The following EYS variants were observed in gnomAD, a reference collection of about 807,000 sequenced individuals.
The protein encoded by EYS is EGF-like photoreceptor maintenance factor, also known as protein eyes shut homolog.
EYS carries 250 observed loss-of-function variants against 282.1 expected under a neutral mutation model. That is an observed-to-expected ratio of 0.89 (90% CI 0.80 to 0.98). The LOEUF is 0.98. Ranked by LOEUF, EYS falls within the 50% of genes least tolerant of loss-of-function variation. EYS has a pLI of 0.00. For missense variants in EYS, 4,016 were observed against 3,709.0 expected, an observed-to-expected ratio of 1.08 and a Z score of -2.15; for synonymous variants, 1,355 against 1,282.9, an observed-to-expected ratio of 1.06 and a Z score of -1.20.
intron 13 of EYS, among the ~76,000 whole-genome samples, chr6:65,045,244 A>ATAGTG (rs1773068025): frequency 6.6e-6 from 1 of 151,872 alleles, no homozygotes; most frequent in Non-Finnish European, 1.5e-5. Flanking sequence ...CTGATCTTTG[A>ATAGTG]CAAAATACAA....
chr6:64,101,205 AT>A (rs34888718), intron 31 of EYS, among the ~76,000 whole-genome samples: 85 of 148,644 alleles, frequency 5.7e-4, no homozygotes, highest in Middle Eastern at 3.4e-3. Context: ...ATTTTAATAG[AT>A]TTTTTTTTTT....
Position 65,370,900 on chromosome 6 carries a change from T to C in EYS, c.1299+13486A>G, listed in dbSNP as rs141821678. On this transcript the variant is annotated intron_variant, in intron 8 of 42. Transcript: ENST00000503581. Reference sequence around the variant, plus strand: ...AAAGAAACAAATATATCTTTCTTCATAGAGATTACATTTCAGCCTAATCTA... The same window carrying C: ...AAAGAAACAAATATATCTTTCTTCACAGAGATTACATTTCAGCCTAATCTA... 5.0e-4 allele frequency among the ~76,000 whole-genome samples: 76 copies of C among 152,032 alleles called. 1 individual carries two copies. The East Asian group carries it at 0.013, about 26-fold the overall frequency.
At chr6:65,211,743 A>G (rs1766181598) in intron 12 of EYS, among the ~76,000 whole-genome samples, 1 of 151,966 alleles carries the variant, frequency 6.6e-6, no homozygotes, top group Non-Finnish European at 1.5e-5. Context: ...AGGGGCAGAA[A>G]AAAAAGCCCC....
intron 13 of EYS, among the ~76,000 whole-genome samples, chr6:64,998,098 C>G (rs778293127): frequency 3.9e-5 from 6 of 152,154 alleles, no homozygotes; most frequent in Middle Eastern, 3.2e-3. Context: ...AAGACCTTAA[C>G]TGTTCAGTTG....
At chr6:64,042,510 G>A (rs948357366) in intron 33 of EYS, among the ~76,000 whole-genome samples, 1 of 152,168 alleles carries the variant, frequency 6.6e-6, no homozygotes, top group South Asian at 2.1e-4. Context: ...TTTCTCCACT[G>A]TGTTCGGAAG....
intron 2 of EYS, among the ~76,000 whole-genome samples, chr6:65,519,487 C>T (rs1331225333): frequency 6.7e-6 from 1 of 149,216 alleles, no homozygotes; most frequent in Non-Finnish European, 1.5e-5. Context: ...TACTAGATAA[C>T]TAATAAATAT....
chr6:64,693,677 G>A (rs2349515), intron 22 of EYS, among the ~76,000 whole-genome samples: 103,487 of 151,936 alleles, frequency 0.68, 36,298 homozygotes, highest in Middle Eastern at 0.77. Context: ...TAATGGAAAA[G>A]ACAATAAAAA....
chr6:64,945,376 A>G (rs12196494), intron 15 of EYS, among the ~76,000 whole-genome samples: 27,562 of 151,986 alleles, frequency 0.18, 2,642 homozygotes, highest in East Asian at 0.25. Flanking sequence ...TATATCAAAA[A>G]TTTTACTAAA....
intron 31 of EYS, among the ~76,000 whole-genome samples, chr6:64,089,012 T>C (rs1265195247): frequency 2.0e-5 from 3 of 152,002 alleles, no homozygotes; most frequent in Admixed American, 6.6e-5. Flanking sequence ...TTCTTTATAA[T>C]GGAAATAGAT....
At chr6:65,327,451 T>C (rs762271252) in intron 11 of EYS, among the ~76,000 whole-genome samples, 44 of 151,826 alleles carry the variant, frequency 2.9e-4, no homozygotes, top group Middle Eastern at 3.4e-3. Flanking sequence ...ATTTATTTCT[T>C]ATAATTTTGA....
intron 31 of EYS, among the ~76,000 whole-genome samples, chr6:64,150,676 T>C (rs1010014329): frequency 6.6e-6 from 1 of 151,710 alleles, no homozygotes; most frequent in Non-Finnish European, 1.5e-5. Flanking sequence ...GCAAGGTATA[T>C]GTGTAAGCGT....
At chr6:65,686,017 C>A (rs192859774) in intron 1 of EYS, among the ~76,000 whole-genome samples, 1 of 151,994 alleles carries the variant, frequency 6.6e-6, no homozygotes, top group East Asian at 1.9e-4. Flanking sequence ...GAGATTATTT[C>A]GAGCTCTTCC....
chr6:63,986,721 A>C (rs1306606056), intron 34 of EYS, among the ~76,000 whole-genome samples: 2 of 151,780 alleles, frequency 1.3e-5, no homozygotes, highest in African/African-American at 4.8e-5. Flanking sequence ...AGTGGGAGCT[A>C]AATGATGGGA....
chr6:64,944,100 C>T (rs1238563659), intron 15 of EYS, among the ~76,000 whole-genome samples: 1 of 151,888 alleles, frequency 6.6e-6, no homozygotes, highest in East Asian at 1.9e-4. Context: ...GATAAATCAA[C>T]AAAAATAAGC....
intron 35 of EYS, among the ~76,000 whole-genome samples, chr6:63,974,718 C>T (rs1005101284): frequency 2.6e-5 from 4 of 151,946 alleles, no homozygotes; most frequent in African/African-American, 7.2e-5. Context: ...GTGTAAGGAA[C>T]ACAATTTCTT....
chr6:64,877,766 A>G lies in EYS; in HGVS notation c.2992+8931T>C, dbSNP rs140110784. Reference sequence around the variant, plus strand: ...TATTCAATAGACAGCAGGTTTCAAAATTCTTTTTTTTAAACAAATCGAGTA... The same window carrying G: ...TATTCAATAGACAGCAGGTTTCAAAGTTCTTTTTTTTAAACAAATCGAGTA... On this transcript the variant is annotated intron_variant, in intron 19 of 42. Transcript: ENST00000503581. Among the ~76,000 whole-genome samples, 189 of 152,292 alleles carry G rather than the reference A, an allele frequency of 1.2e-3. 1 individual carries two copies. Among genetic ancestry groups the G allele is most frequent in the African/African-American group, 4.3e-3 (178 of 41,572 alleles).
chr6:64,585,364 T>C (rs1766203201), intron 26 of EYS, among the ~76,000 whole-genome samples: 1 of 152,120 alleles, frequency 6.6e-6, no homozygotes, highest in Non-Finnish European at 1.5e-5. Context: ...ACCTATTGGA[T>C]ACTATGCTCA....
chr6:64,417,604 A>G (rs1451254594), intron 28 of EYS, among the ~76,000 whole-genome samples: 1 of 151,826 alleles, frequency 6.6e-6, no homozygotes, highest in Non-Finnish European at 1.5e-5. Flanking sequence ...TATTTCAGGA[A>G]TAATATTTTA....
intron 12 of EYS, among the ~76,000 whole-genome samples, chr6:65,232,520 C>T (rs944819943): frequency 6.6e-6 from 1 of 151,966 alleles, no homozygotes; most frequent in African/African-American, 2.4e-5. Context: ...CATGCTTAAA[C>T]GTTTGAGTAG....
Sources: allele counts gnomAD v4.1 joint callset (sites outside exome capture counted in the v4.1 genomes callset), GRCh38; gene constraint gnomAD v4.1.1; transcripts MANE v1.5; gene names NCBI Gene and HGNC (gene_info 2026-07-23, HGNC 2026-07-21).